Variants in PLCB1 observed in about 807,000 individuals in gnomAD.
PLCB1 encodes the protein 1-phosphatidylinositol 4,5-bisphosphate phosphodiesterase beta-1.
PLCB1 carries 46 observed loss-of-function variants against 161.8 expected under a neutral mutation model. The ratio of observed to expected loss-of-function variants is 0.28; its 90% confidence interval spans 0.22 to 0.36. The LOEUF (loss-of-function observed/expected upper bound fraction) is 0.36. Among genes scored for constraint, PLCB1 ranks in the 10% least tolerant of loss-of-function variants. The probability of loss-of-function intolerance (pLI) is 1.00; values close to 1 mark genes in which losing one functional copy is unlikely to be tolerated. For synonymous variants in PLCB1, 517 were observed against 503.7 expected (o/e 1.03, Z -0.35); for missense variants, 1,016 against 1,472.5 (o/e 0.69, Z 5.07).
intron 2 of PLCB1, among the ~76,000 whole-genome samples, chr20:8,283,887 T>C (rs1406437396): frequency 6.6e-6 from 1 of 152,128 alleles, no homozygotes; most frequent in Non-Finnish European, 1.5e-5. Flanking sequence ...AAATTTTCTC[T>C]ATATGACCGT....
At chr20:8,430,444 G>C (rs6055813) in intron 3 of PLCB1, among the ~76,000 whole-genome samples, 1 of 149,830 alleles carries the variant, frequency 6.7e-6, no homozygotes, top group Non-Finnish European at 1.5e-5. Context: ...TGATGCATCA[G>C]GAGACTGCAG....
intron 31 of PLCB1, chr20:8,802,047 T>TC (rs776279161): frequency 6.5e-7 from 1 of 1,527,490 alleles, no homozygotes; most frequent in South Asian, 1.1e-5. Context: ...TCCCTTTTTT[T>TC]CCACACAGGG....
intron 3 of PLCB1, among the ~76,000 whole-genome samples, chr20:8,494,725 A>G (rs1333299516): frequency 6.6e-6 from 1 of 152,108 alleles, no homozygotes; most frequent in Non-Finnish European, 1.5e-5. Context: ...TAATTAAGTC[A>G]TTTATCTTTC....
At chr20:8,634,328 T>A (rs565232298) in intron 4 of PLCB1, among the ~76,000 whole-genome samples, 29 of 152,246 alleles carry the variant, frequency 1.9e-4, no homozygotes, top group Non-Finnish European at 3.8e-4. Context: ...CTTTAATGTT[T>A]GTAATTTTAG....
At chr20:8,633,667 A>G (rs1023292324) in intron 4 of PLCB1, among the ~76,000 whole-genome samples, 1 of 152,130 alleles carries the variant, frequency 6.6e-6, no homozygotes, top group Admixed American at 6.5e-5. Flanking sequence ...TTTTACTGAA[A>G]TGTAGCATAC....
chr20:8,822,034 C>CTTTT (rs1166587981), intron 31 of PLCB1, among the ~76,000 whole-genome samples: 3,584 of 147,844 alleles, frequency 0.024, 136 homozygotes, highest in African/African-American at 0.085. Flanking sequence ...ATCTTTTTTC[C>CTTTT]TTTTTTTTTT....
intron 2 of PLCB1, among the ~76,000 whole-genome samples, chr20:8,309,824 C>T (rs905328187): frequency 7.9e-5 from 12 of 152,158 alleles, no homozygotes; most frequent in Non-Finnish European, 1.6e-4. Context: ...TCACACATTT[C>T]CAGTGCTAAG....
intron 4 of PLCB1, among the ~76,000 whole-genome samples, chr20:8,629,886 TTTC>T (rs1389907841): frequency 8.0e-6 from 1 of 124,714 alleles, no homozygotes; most frequent in Non-Finnish European, 1.7e-5. Flanking sequence ...TCTCTCTCTC[TTTC>T]TTTTCTTTCT....
At chr20:8,856,587 A>G (rs74183570) in intron 31 of PLCB1, among the ~76,000 whole-genome samples, 26,978 of 152,198 alleles carry the variant, frequency 0.18, 2,536 homozygotes, top group Middle Eastern at 0.27. Flanking sequence ...ACTGCACTCC[A>G]GCCTGGGCAA....
At chr20:8,736,097 C>A (rs992882573) in intron 19 of PLCB1, among the ~76,000 whole-genome samples, 2 of 152,178 alleles carry the variant, frequency 1.3e-5, no homozygotes, top group Non-Finnish European at 2.9e-5. Context: ...AAGTTCTTGA[C>A]CAGCAGGCAA....
intron 3 of PLCB1, among the ~76,000 whole-genome samples, chr20:8,538,685 C>A (rs1463236854): frequency 6.6e-6 from 1 of 151,878 alleles, no homozygotes; most frequent in Non-Finnish European, 1.5e-5. Context: ...TATTAAACAA[C>A]CCTATTTATT....
At chr20:8,662,058 T>C (rs1280528509) in intron 9 of PLCB1, among the ~76,000 whole-genome samples, 18 of 50,434 alleles carry the variant, frequency 3.6e-4, no homozygotes, top group South Asian at 1.4e-3. Context: ...TATAATTATA[T>C]ATTTATTATA....
At chr20:8,338,257 C>T (rs971026327) in intron 2 of PLCB1, among the ~76,000 whole-genome samples, 9 of 151,980 alleles carry the variant, frequency 5.9e-5, no homozygotes, top group South Asian at 4.2e-4. Flanking sequence ...TAATTATTCA[C>T]GGAGTTTTGC....
At chr20:8,624,061 T>C (rs1240655570) in intron 3 of PLCB1, 2 of 152,250 alleles carry the variant, frequency 1.3e-5, no homozygotes, top group East Asian at 3.8e-4. Flanking sequence ...GAAATTTGAA[T>C]AAAGCATAGC....
At chr20:8,473,895 A>G (rs1982159794) in intron 3 of PLCB1, among the ~76,000 whole-genome samples, 1 of 152,206 alleles carries the variant, frequency 6.6e-6, no homozygotes, top group Non-Finnish European at 1.5e-5. Flanking sequence ...TTTTTCTCAA[A>G]TGGGAATATG....
At chr20:8,337,421 G>T (rs1985623582) in intron 2 of PLCB1, among the ~76,000 whole-genome samples, 1 of 152,126 alleles carries the variant, frequency 6.6e-6, no homozygotes, top group Admixed American at 6.5e-5. Context: ...ATCAAAATGT[G>T]AGTTTTTATT....
At chr20:8,183,098 G>A (rs1056874103) in intron 2 of PLCB1, among the ~76,000 whole-genome samples, 1 of 152,194 alleles carries the variant, frequency 6.6e-6, no homozygotes, top group African/African-American at 2.4e-5. Context: ...AGGCTTTGCT[G>A]TATGCTGTTG....
chr20:8,689,217 C>A (rs1388551690), intron 10 of PLCB1, among the ~76,000 whole-genome samples: 1 of 151,924 alleles, frequency 6.6e-6, no homozygotes, highest in African/African-American at 2.4e-5. Flanking sequence ...TTGCTGAATT[C>A]TCTTATCTGT....
intron 3 of PLCB1, among the ~76,000 whole-genome samples, chr20:8,529,327 C>G (rs977185693): frequency 1.3e-5 from 2 of 152,014 alleles, no homozygotes; most frequent in African/African-American, 2.4e-5. Flanking sequence ...TTTAAATTTT[C>G]TCCCATGTTA....
Sources: gnomAD v4.1 joint callset for allele counts (sites outside exome capture counted in the v4.1 genomes callset) on GRCh38, gnomAD v4.1.1 for gene constraint, MANE v1.5 for transcripts, NCBI Gene and HGNC (gene_info 2026-07-23, HGNC 2026-07-21) for gene names.